Variants in IFT74 observed in about 807,000 individuals in gnomAD.
The protein encoded by IFT74 is intraflagellar transport 74, also known as intraflagellar transport protein 74 homolog.
Under a neutral mutation model 96.7 loss-of-function variants are expected in IFT74, and 92 were observed. The observed-to-expected ratio is 0.95, with a 90% CI of 0.80 to 1.13. IFT74 has a LOEUF of 1.13. Among genes scored for constraint, IFT74 ranks in the 50% most tolerant of loss-of-function variants. The pLI, the probability that IFT74 is intolerant of heterozygous loss-of-function variation, is 0.00. For missense variants in IFT74, 811 were observed against 698.2 expected (o/e 1.16, Z -1.82); for synonymous variants, 223 against 213.2 (o/e 1.05, Z -0.40).
intron 13 of IFT74, among the ~76,000 whole-genome samples, chr9:27,040,502 A>T (rs1819426665): frequency 1.4e-5 from 2 of 142,358 alleles, no homozygotes; most frequent in Admixed American, 1.5e-4. Flanking sequence ...CTGAGATTGC[A>T]CCATTGCACT....
chr9:27,002,648 G>A (rs1314494204), intron 8 of IFT74, among the ~76,000 whole-genome samples: 1 of 152,160 alleles, frequency 6.6e-6, no homozygotes, highest in Non-Finnish European at 1.5e-5. Context: ...ATTGGTCTAT[G>A]GATCTGTCTT....
chr9:27,000,200 A>C (rs1587323971), intron 8 of IFT74, among the ~76,000 whole-genome samples: 1 of 152,166 alleles, frequency 6.6e-6, no homozygotes, highest in Admixed American at 6.5e-5. Flanking sequence ...ACTGATTTCT[A>C]TTTTTTCTTT....
At chr9:27,010,483 T>C (rs1244126781) in intron 9 of IFT74, among the ~76,000 whole-genome samples, 1 of 141,298 alleles carries the variant, frequency 7.1e-6, no homozygotes, top group East Asian at 2.0e-4. Context: ...CCCCTTTTTT[T>C]TGTTTTTTTT....
At chr9:26,948,448 A>ATTTTTTTTTTTTTTTTTTTTTTTTTT (rs71841244) in intron 1 of IFT74, among the ~76,000 whole-genome samples, 3 of 59,162 alleles carry the variant, frequency 5.1e-5, no homozygotes, top group East Asian at 2.9e-4. Context: ...GCTTTCCATT[A>ATTTTTTTTTTTTTTTTTTTTTTTTTT]TTTTTTTTTT....
At chr9:26,981,600 A>G (rs115062372) in intron 4 of IFT74, among the ~76,000 whole-genome samples, 5,841 of 151,952 alleles carry the variant, frequency 0.038, 136 homozygotes, top group Middle Eastern at 0.065. Flanking sequence ...GTGTGTTTTT[A>G]GTAGAGGTGG....
chr9:26,996,172 G>C (rs7018585), intron 8 of IFT74: 165,656 of 592,694 alleles, frequency 0.28, 28,230 homozygotes, highest in East Asian at 0.73. Flanking sequence ...GTTTGGAAGA[G>C]CAATATTTTG....
chr9:26,967,001 C>T (rs942136376), intron 2 of IFT74, among the ~76,000 whole-genome samples: 2 of 151,254 alleles, frequency 1.3e-5, no homozygotes, highest in African/African-American at 4.9e-5. Flanking sequence ...TTTCTGGGTT[C>T]TCTATTCTGT....
chr9:27,062,907 A>C lies in IFT74; in HGVS notation c.*171A>C. On this transcript the variant is annotated 3_prime_UTR_variant, in exon 20 of 20. Coordinates refer to ENST00000380062, the MANE Select transcript of IFT74 (RefSeq NM_025103.4). ...GATATTTTAAAATAGTAAATAGTTC[A>C]ATAAATGGTTTGCATATTAAAAAGT... The C allele has an allele frequency of 1.9e-6, 1 of 516,780 alleles. No individual in the cohort carries two copies. Among genetic ancestry groups the C allele is most frequent in the Non-Finnish European group, 3.4e-6 (1 of 294,780 alleles). The allele number at this position is 516,780 out of a possible 1,614,324, so 32.0% of individuals were successfully genotyped here. A position where few individuals can be genotyped will look rare whatever the true frequency, so the allele number is the denominator to read the frequency against.
At chr9:27,023,206 G>T (rs1418625706) in intron 12 of IFT74, among the ~76,000 whole-genome samples, 1 of 152,154 alleles carries the variant, frequency 6.6e-6, no homozygotes, top group Non-Finnish European at 1.5e-5. Context: ...TTGAATAGAA[G>T]TGGTGAGAGT....
At chr9:26,977,541 T>A (rs1400010158) in intron 2 of IFT74, among the ~76,000 whole-genome samples, 2 of 152,198 alleles carry the variant, frequency 1.3e-5, no homozygotes, top group East Asian at 1.9e-4. Flanking sequence ...CAAGCTAGAG[T>A]GCAGTGGCAT....
intron 8 of IFT74, among the ~76,000 whole-genome samples, chr9:27,005,367 C>CCG (rs376788124): frequency 5.8e-5 from 6 of 102,696 alleles, no homozygotes; most frequent in Admixed American, 9.8e-5. Context: ...CCCCGCCCCC[C>CCG]GCAAAACAAT....
rs1384674924 is a variant in IFT74 at position 26,980,950 on chromosome 9, T to TC, written c.305+333dup. On this transcript the variant is annotated intron_variant, in intron 4 of 19. Transcript: ENST00000380062. The stretch of plus-strand genomic sequence containing the variant: ...CTTATAGGAATTTATTTCTTACTGT[T>TC]CCGGAGACGCAGAAGTCCAAGATCA... Among the ~76,000 whole-genome samples the TC allele has an allele frequency of 2.0e-5, 3 of 152,172 alleles. No homozygotes were observed. The East Asian group carries it at 5.8e-4, about 29-fold the overall frequency.
At chr9:26,987,351 A>C (rs754805280) in intron 6 of IFT74, among the ~76,000 whole-genome samples, 45 of 152,140 alleles carry the variant, frequency 3.0e-4, no homozygotes, top group Admixed American at 7.2e-4. Context: ...CAGCCTCCCA[A>C]AGTGTGGGGA....
At chr9:26,984,379 C>A in intron 5 of IFT74, 24 bp downstream of exon 5, 1 of 1,577,982 alleles carries the variant, frequency 6.3e-7, no homozygotes, top group South Asian at 1.2e-5. Context: ...ATTCAGTATT[C>A]ATTCAGTATT....
At chr9:27,049,014 G>T (rs1246001865) in intron 16 of IFT74, among the ~76,000 whole-genome samples, 1 of 152,058 alleles carries the variant, frequency 6.6e-6, no homozygotes, top group Non-Finnish European at 1.5e-5. Context: ...GCAGTAATTA[G>T]TATGTTCTCT....
At chr9:27,001,608 T>C (rs1177849242) in intron 8 of IFT74, among the ~76,000 whole-genome samples, 1 of 152,236 alleles carries the variant, frequency 6.6e-6, no homozygotes, top group Non-Finnish European at 1.5e-5. Flanking sequence ...TGTGTGTTTT[T>C]TGAGAAATAT....
rs143657194 is a variant in IFT74, at chr9:27,064,333, T to G, written c.*1597T>G. On this transcript the variant is annotated 3_prime_UTR_variant, in exon 20 of 20. Transcript: ENST00000380062. ...TGCTGTGATTGTATGGGGTTTTCTA[T>G]TGGAAATTGGTAGCAGAAAGTGCTT... is the stretch of plus-strand genomic sequence containing the variant. 3.9e-4 allele frequency among the ~76,000 whole-genome samples: 59 copies of G among 152,226 alleles called. No homozygotes were observed. The East Asian group carries it at 7.7e-3, about 20-fold the overall frequency.
At chr9:26,992,409 T>C (rs1342523402) in intron 8 of IFT74, among the ~76,000 whole-genome samples, 2 of 152,114 alleles carry the variant, frequency 1.3e-5, no homozygotes, top group African/African-American at 4.8e-5. Context: ...AGAACAACAA[T>C]TGGCCAGGTG....
intron 6 of IFT74, 80 bp downstream of exon 6, chr9:26,984,639 C>A (rs1827556081): frequency 1.9e-6 from 2 of 1,080,226 alleles, no homozygotes; most frequent in East Asian, 2.4e-5. Flanking sequence ...CATTAGTAGG[C>A]AAAGGACATG....
Sources: gnomAD v4.1 joint callset for allele counts (sites outside exome capture counted in the v4.1 genomes callset) on GRCh38, gnomAD v4.1.1 for gene constraint, MANE v1.5 for transcripts, NCBI Gene and HGNC (gene_info 2026-07-23, HGNC 2026-07-21) for gene names.